MFSD8: variants seen among roughly 807,000 people sequenced by gnomAD.
MFSD8 encodes major facilitator superfamily domain containing 8, also known as major facilitator superfamily domain-containing protein 8.
In MFSD8, 55 loss-of-function variants were observed where a neutral mutation model predicts 66.4. The ratio of observed to expected loss-of-function variants is 0.83; its 90% CI spans 0.67 to 1.04. MFSD8 has a LOEUF of 1.04. Ranked by LOEUF, MFSD8 falls within the 50% of genes least tolerant of loss-of-function variation. The pLI is 0.00. For synonymous variants in MFSD8, 202 were observed against 212.8 expected (o/e 0.95, Z 0.44); for missense variants, 550 against 627.6 (o/e 0.88, Z 1.32).
chr4:127,956,500 GA>G (rs781476965), intron 2 of MFSD8, among the ~76,000 whole-genome samples: 278 of 104,138 alleles, frequency 2.7e-3, no homozygotes, highest in Middle Eastern at 6.4e-3. Flanking sequence ...ACTCCGTCTT[GA>G]AAAAAAAAAA....
At chr4:127,934,313 C>T (rs181428431) in intron 7 of MFSD8, among the ~76,000 whole-genome samples, 95 of 152,100 alleles carry the variant, frequency 6.2e-4, no homozygotes, top group Admixed American at 1.8e-3. Flanking sequence ...TTTAAAAACC[C>T]CTATCATTTA....
rs374912082 is a variant in MFSD8 at position 127,965,172 on chromosome 4, G to C, written c.-39C>G. On this transcript the variant is annotated 5_prime_UTR_variant, in exon 1 of 12. Coordinates refer to ENST00000641686, the MANE Select transcript of MFSD8 (RefSeq NM_001371596.2). ...ACAAGGCGTCTTGCGCCCAACTCTCGCGACACCTGCTTTCTCCCATCCCGG... is the reference window on the plus strand; with the variant it reads ...ACAAGGCGTCTTGCGCCCAACTCTCCCGACACCTGCTTTCTCCCATCCCGG... The C allele has an allele frequency of 6.2e-7, 1 of 1,611,992 alleles. No individual in the cohort carries two copies. Among genetic ancestry groups the C allele is most frequent in the African/African-American group, 1.3e-5 (1 of 74,934 alleles).
In MFSD8 at chr4:127,918,863, T is replaced by A. The variant is rs1475089378; in HGVS notation, c.*1767A>T. 6.6e-6 allele frequency: 1 copy of A among 152,226 alleles called. No homozygotes were observed. The highest frequency in any genetic ancestry group is 1.5e-5 in the Non-Finnish European group (1 of 68,044). The allele number at this position is 152,226 out of a possible 1,614,324, so 9.4% of individuals were successfully genotyped here. On this transcript the variant is annotated 3_prime_UTR_variant, in exon 12 of 12. Transcript: ENST00000641686. Reference sequence around the variant, plus strand: ...AATTTTGCTCTTATCATTTTCATCATTACCATTATTCTTGTTATTTTTGTC... The same window carrying A: ...AATTTTGCTCTTATCATTTTCATCAATACCATTATTCTTGTTATTTTTGTC...
In MFSD8 at chr4:127,921,498, T is replaced by A. The variant is rs368000958; in HGVS notation, c.1350+26A>T. 1.9e-6 allele frequency: 3 copies of A among 1,613,830 alleles called. No homozygotes were observed. In the African/African-American group the frequency reaches 4.0e-5, roughly 22 times the overall value. On this transcript the variant is annotated intron_variant, in intron 11 of 11. Transcript: ENST00000641686. ...GTGCTTACAAGTATATTTTCTATAA[T>A]TGCAATGTCAGGGTACCTGGCTTAC...
chr4:127,965,184 T>C, upstream of MFSD8: 1 of 1,609,038 alleles, frequency 6.2e-7, no homozygotes, highest in Non-Finnish European at 8.5e-7. Flanking sequence ...GACACCTGCT[T>C]TCTCCCATCC....
intron 5 of MFSD8, among the ~76,000 whole-genome samples, chr4:127,940,346 C>T (rs938250354): frequency 4.6e-5 from 7 of 151,936 alleles, no homozygotes; most frequent in African/African-American, 1.7e-4. Flanking sequence ...CATGCATTCA[C>T]AAGGAATTGT....
chr4:127,953,185 C>A (rs1237317962), intron 2 of MFSD8, among the ~76,000 whole-genome samples: 1 of 151,958 alleles, frequency 6.6e-6, no homozygotes, highest in Non-Finnish European at 1.5e-5. Context: ...TGGAGTAATC[C>A]CATCATCTTA....
chr4:127,960,384 G>C (rs1178333509), intron 1 of MFSD8, among the ~76,000 whole-genome samples: 1 of 152,118 alleles, frequency 6.6e-6, no homozygotes, highest in Non-Finnish European at 1.5e-5. Context: ...ACAAAAATTA[G>C]CCAGGCGTGG....
At chr4:127,925,104 A>C (rs1223906300) in intron 9 of MFSD8, among the ~76,000 whole-genome samples, 3 of 152,238 alleles carry the variant, frequency 2.0e-5, no homozygotes, top group African/African-American at 2.4e-5. Flanking sequence ...AGAAAGATCA[A>C]AGACTTAAAC....
chr4:127,934,660 AC>A (rs1236714940), intron 7 of MFSD8: 1 of 149,730 alleles, frequency 6.7e-6, no homozygotes, highest in Non-Finnish European at 1.5e-5. Context: ...GCTCAATGCA[AC>A]CCCCAACTCC....
intron 2 of MFSD8, among the ~76,000 whole-genome samples, chr4:127,952,731 G>A (rs1330194310): frequency 3.3e-5 from 5 of 151,558 alleles, no homozygotes; most frequent in Non-Finnish European, 7.4e-5. Flanking sequence ...TTAGCTGGGC[G>A]TGGTGGCAGG....
intron 1 of MFSD8, 105 bp from the exon 2 acceptor site, chr4:127,957,697 A>G: frequency 1.3e-6 from 1 of 764,694 alleles, no homozygotes; most frequent in African/African-American, 1.7e-5. Flanking sequence ...TGATAGAGGT[A>G]GAATTTACCA....
At chr4:127,955,845 G>T (rs367809658) in intron 2 of MFSD8, among the ~76,000 whole-genome samples, 2 of 152,046 alleles carry the variant, frequency 1.3e-5, no homozygotes, top group Non-Finnish European at 2.9e-5. Flanking sequence ...CTGGCCAGGC[G>T]GGGTGGCTCA....
At chr4:127,947,982 A>C (rs955431315) in intron 3 of MFSD8, among the ~76,000 whole-genome samples, 1 of 152,178 alleles carries the variant, frequency 6.6e-6, no homozygotes, top group African/African-American at 2.4e-5. Flanking sequence ...ATAAGTCATT[A>C]GAGTTAAGAG....
chr4:127,935,503 C>T (rs1738916799), intron 7 of MFSD8, among the ~76,000 whole-genome samples: 1 of 152,068 alleles, frequency 6.6e-6, no homozygotes, highest in South Asian at 2.1e-4. Flanking sequence ...CTCATAATAA[C>T]CTCTTTAAAT....
upstream of MFSD8, chr4:127,965,267 G>T: frequency 2.6e-6 from 3 of 1,141,394 alleles, no homozygotes; most frequent in Admixed American, 4.0e-5. Flanking sequence ...TAGGCGGAAC[G>T]CCCCGAGGTC....
At chr4:127,951,699 T>G (rs1027653387) in intron 2 of MFSD8, among the ~76,000 whole-genome samples, 1 of 151,930 alleles carries the variant, frequency 6.6e-6, no homozygotes, top group Non-Finnish European at 1.5e-5. Context: ...ATATAATACA[T>G]GGTCTTTTGT....
chr4:127,949,519 T>C (rs1323528777), intron 3 of MFSD8, among the ~76,000 whole-genome samples: 2 of 152,228 alleles, frequency 1.3e-5, no homozygotes, highest in African/African-American at 4.8e-5. Flanking sequence ...GGAATATGAA[T>C]GTGGCTTCTG....
At chr4:127,923,552 TTTATTATTATTATTA>T (rs200387529) in intron 9 of MFSD8, among the ~76,000 whole-genome samples, 29 of 130,562 alleles carry the variant, frequency 2.2e-4, no homozygotes, top group Admixed American at 8.7e-4. Context: ...TTTATTTTTA[TTTATTATTATTATTA>T]TTATTATTAT....
Sources: allele counts gnomAD v4.1 joint callset (sites outside exome capture counted in the v4.1 genomes callset), GRCh38; gene constraint gnomAD v4.1.1; transcripts MANE v1.5; gene names NCBI Gene and HGNC (gene_info 2026-07-23, HGNC 2026-07-21).